The following ANO2 variants were observed in gnomAD, a reference collection of about 807,000 sequenced individuals.
ANO2 encodes the protein anoctamin-2.
In ANO2, 101 loss-of-function variants were observed where a neutral mutation model predicts 124.2. The ratio of observed to expected loss-of-function variants is 0.81; its 90% confidence interval spans 0.69 to 0.96. The LOEUF is 0.96. Among genes scored for constraint, ANO2 ranks in the 40% least tolerant of loss-of-function variants. The probability of loss-of-function intolerance (pLI) is 0.00; values close to 1 mark genes in which losing one functional copy is unlikely to be tolerated. For synonymous variants in ANO2, 486 were observed against 482.5 expected, an observed-to-expected ratio of 1.01 and a Z score of -0.09; for missense variants, 1,293 against 1,274.5, an observed-to-expected ratio of 1.01 and a Z score of -0.22.
chr12:5,663,581 A>G (rs1189456809), intron 14 of ANO2, among the ~76,000 whole-genome samples: 1 of 152,116 alleles, frequency 6.6e-6, no homozygotes, highest in Non-Finnish European at 1.5e-5. Context: ...AAGGAAGGGA[A>G]CACCTGAGAC....
At chr12:5,624,441 G>T (rs1216793624) in intron 16 of ANO2, among the ~76,000 whole-genome samples, 1 of 152,098 alleles carries the variant, frequency 6.6e-6, no homozygotes. Context: ...GAGCAGGAAG[G>T]TGTGCCCTGT....
intron 14 of ANO2, among the ~76,000 whole-genome samples, chr12:5,677,755 C>T (rs1216412594): frequency 6.6e-6 from 1 of 152,192 alleles, no homozygotes; most frequent in African/African-American, 2.4e-5. Context: ...AAAGGTGCTT[C>T]ATTCCTGGGA....
At chr12:5,932,697 G>T (rs892426745) in intron 1 of ANO2, among the ~76,000 whole-genome samples, 2 of 152,050 alleles carry the variant, frequency 1.3e-5, no homozygotes, top group Non-Finnish European at 2.9e-5. Context: ...AAGGAAGGTA[G>T]ACTAGAGAGG....
At chr12:5,831,374 G>A (rs867790574) in intron 5 of ANO2, among the ~76,000 whole-genome samples, 1 of 152,142 alleles carries the variant, frequency 6.6e-6, no homozygotes, top group Non-Finnish European at 1.5e-5. Flanking sequence ...TAAAACGAAC[G>A]GAGGTGCATG....
chr12:5,697,803 A>AT (rs1949246382), intron 14 of ANO2, among the ~76,000 whole-genome samples: 1 of 152,206 alleles, frequency 6.6e-6, no homozygotes, highest in Admixed American at 6.5e-5. Context: ...ACACCAGGAG[A>AT]TTATATCCCG....
rs184054915 is a variant in ANO2, at chr12:5,783,518, T to A, written c.1055+15989A>T. Among the ~76,000 whole-genome samples, 1,173 of 152,340 alleles carry A rather than the reference T, an allele frequency of 7.7e-3. 5 individuals are homozygous for A. Among genetic ancestry groups the A allele is most frequent in the Non-Finnish European group, 0.011 (779 of 68,024 alleles). ...CCAACCCAGCTCTTAGGAAGTATCA[T>A]GGCAAATTGCCAGGGTGATGGTGAA... is the stretch of plus-strand genomic sequence containing the variant. On this transcript the variant is annotated intron_variant, in intron 10 of 24. Coordinates refer to ENST00000682330, the MANE Select transcript of ANO2 (RefSeq NM_001364791.2).
intron 3 of ANO2, among the ~76,000 whole-genome samples, chr12:5,913,033 G>A (rs915708805): frequency 3.9e-5 from 6 of 152,068 alleles, no homozygotes; most frequent in African/African-American, 1.4e-4. Context: ...AGTCAATGGG[G>A]GCCTGGAGAT....
Position 5,575,860 on chromosome 12 carries a change from C to T in ANO2, c.2595G>A (p.Gln865=). The change falls in exon 23 of 25, where the codon CAG becomes CAA. Residue 865 remains glutamine (Q), a synonymous_variant. Transcript: ENST00000682330. ...LKEGTQPENS[Q]FDQEVQFCRF... ...TGCAGAACTGAACCTCCTGGTCAAA[C>T]TGTGAGTTTTCTGGCTGCGTCCCCT... 6.2e-7 allele frequency: 1 copy of T among 1,613,948 alleles called. No individual in the cohort carries two copies. The highest frequency in any genetic ancestry group is 8.5e-7 in the Non-Finnish European group (1 of 1,179,872).
At position 5,769,111 on chromosome 12, in the gene ANO2, A is replaced by G. The variant is rs1951992270; in HGVS notation, c.1056-18141T>C. Among the ~76,000 whole-genome samples the G allele has an allele frequency of 1.3e-5, 2 of 152,164 alleles. No individual in the cohort carries two copies. The highest frequency in any genetic ancestry group is 2.9e-5 in the Non-Finnish European group (2 of 68,032). ...AAATTCCAGAAAGGCAGAGGAAGAAAACACACCATTTGCAAGGAGAGGACC... is the reference window on the plus strand; with the variant it reads ...AAATTCCAGAAAGGCAGAGGAAGAAGACACACCATTTGCAAGGAGAGGACC... On this transcript the variant is annotated intron_variant, in intron 10 of 24. Transcript: ENST00000682330. The surrounding 1 kb of genome is among the most constrained non-coding windows in gnomAD (Gnocchi z 4.0).
At chr12:5,723,248 G>A (rs1950306649) in intron 14 of ANO2, among the ~76,000 whole-genome samples, 1 of 152,202 alleles carries the variant, frequency 6.6e-6, no homozygotes, top group Admixed American at 6.5e-5. Flanking sequence ...ACATTGCGGT[G>A]TGATGTGGTG....
At chr12:5,854,009 G>C in intron 4 of ANO2, 34 bp downstream of exon 4, 1 of 1,586,378 alleles carries the variant, frequency 6.3e-7, no homozygotes, top group Non-Finnish European at 8.6e-7. Flanking sequence ...CCAGCCCTCA[G>C]GAGGCCCAGA....
chr12:5,761,732 AACT>A (rs1386789334), intron 10 of ANO2, among the ~76,000 whole-genome samples: 1 of 152,172 alleles, frequency 6.6e-6, no homozygotes, highest in African/African-American at 2.4e-5. Context: ...AAATTGCTAG[AACT>A]ATAGAAACTA....
At chr12:5,927,512 C>T (rs76542462) in intron 1 of ANO2, among the ~76,000 whole-genome samples, 5,095 of 152,300 alleles carry the variant, frequency 0.033, 211 homozygotes, top group African/African-American at 0.1. Context: ...AATCTCCTTT[C>T]TGGGCCTGCC....
intron 18 of ANO2, 25 bp downstream of exon 18, chr12:5,612,876 A>C (rs1334592443): frequency 1.2e-6 from 2 of 1,613,848 alleles, no homozygotes; most frequent in East Asian, 4.5e-5. Flanking sequence ...GGTGCCAGGC[A>C]TGAAACACCA....
intron 3 of ANO2, among the ~76,000 whole-genome samples, chr12:5,889,751 T>G (rs560034553): frequency 6.6e-6 from 1 of 152,348 alleles, no homozygotes; most frequent in East Asian, 1.9e-4. Flanking sequence ...AAATGAAAGC[T>G]TTTAGGTCAG....
Position 5,854,118 on chromosome 12 carries a change from A to C in ANO2, c.558T>G (p.Phe186Leu). ...DLENKSQGSI[F>L]VRIHAPWQVL... The stretch of plus-strand genomic sequence containing the variant: ...CCTGCCACGGGGCGTGTATCCGGAC[A>C]AAGATGGATCCCTGGCTTTTATTCT... Residue 186 changes from phenylalanine to leucine, a missense_variant, in exon 4 of 25, where the codon TTT becomes TTG. Physicochemically the swap from Phe to Leu is conservative, Grantham distance 22. Transcript: ENST00000682330. 1 of 1,613,286 alleles carries C rather than the reference A, an allele frequency of 6.2e-7. No individual in the cohort carries two copies. Among genetic ancestry groups the C allele is most frequent in the Non-Finnish European group, 8.5e-7 (1 of 1,179,414 alleles).
At chr12:5,872,631 C>T (rs1229308219) in intron 3 of ANO2, among the ~76,000 whole-genome samples, 2 of 152,154 alleles carry the variant, frequency 1.3e-5, no homozygotes, top group Non-Finnish European at 2.9e-5. Flanking sequence ...TCGAAAATTA[C>T]ATCTTAATTT....
chr12:5,832,712 A>G, intron 4 of ANO2, 109 bp from the exon 5 acceptor site: 1 of 1,237,090 alleles, frequency 8.1e-7, no homozygotes, highest in Non-Finnish European at 1.1e-6. Flanking sequence ...TGAACATTGG[A>G]GAGAGGAAGA....
At chr12:5,610,157 C>T (rs6489646) in intron 19 of ANO2, among the ~76,000 whole-genome samples, 31,286 of 123,610 alleles carry the variant, frequency 0.25, 4,588 homozygotes, top group African/African-American at 0.36. Flanking sequence ...TTTATATATA[C>T]AAATTTATAT....
Sources: allele counts gnomAD v4.1 joint callset (sites outside exome capture counted in the v4.1 genomes callset), GRCh38; gene constraint gnomAD v4.1.1; non-coding constraint Gnocchi (gnomAD v3.1); transcripts MANE v1.5; gene names NCBI Gene and HGNC (gene_info 2026-07-23, HGNC 2026-07-21).